CMIP: variants seen among roughly 807,000 people sequenced by gnomAD.
CMIP encodes c-Maf inducing protein, also known as C-Maf-inducing protein.
In CMIP, 13 loss-of-function variants were observed where a neutral mutation model predicts 97.3. The observed-to-expected ratio is 0.13, with a 90% CI of 0.09 to 0.21. The LOEUF (loss-of-function observed/expected upper bound fraction) is 0.21, where lower values mean the gene tolerates loss of function less well. CMIP is among the 10% of genes least tolerant of loss of function. The pLI is 1.00. For missense variants in CMIP, 847 were observed against 1,024.9 expected (o/e 0.83, Z 2.37); for synonymous variants, 538 against 436.3 (o/e 1.23, Z -2.91).
rs1192482885 is a variant in CMIP at position 81,627,455 on chromosome 16, T to G, written c.477+6529T>G. On this transcript the variant is annotated intron_variant, in intron 3 of 20. Coordinates refer to ENST00000537098, the MANE Select transcript of CMIP (RefSeq NM_198390.3). This position sits in a 1 kb window ranked among gnomAD's most constrained non-coding sequence, Gnocchi z 4.6. ...ATGCGCCATCATCAGTGTCTCCAAG[T>G]GGGTCCGACATGGTGGGAGCAGCTG... Among the ~76,000 whole-genome samples the G allele has an allele frequency of 6.7e-6, 1 of 149,488 alleles. No homozygotes were observed. The highest frequency in any genetic ancestry group is 2.4e-5 in the African/African-American group (1 of 41,032).
chr16:81,646,025 G>A (rs1265073335), intron 3 of CMIP, among the ~76,000 whole-genome samples: 1 of 152,042 alleles, frequency 6.6e-6, no homozygotes, highest in South Asian at 2.1e-4. Flanking sequence ...AGATCTTCAT[G>A]GGATGATTGG....
At chr16:81,670,030 TCAA>T in intron 7 of CMIP, 109 bp from the exon 8 acceptor site, 1 of 1,007,832 alleles carries the variant, frequency 9.9e-7, no homozygotes, top group Non-Finnish European at 1.5e-6. Context: ...GCCTTCCACA[TCAA>T]CAGCTCCAGG....
chr16:81,448,227 A>T (rs1234617670), intron 1 of CMIP, among the ~76,000 whole-genome samples: 1 of 152,260 alleles, frequency 6.6e-6, no homozygotes, highest in Non-Finnish European at 1.5e-5. Context: ...ACTCAGAATC[A>T]TCTGGTAATT....
chr16:81,492,433 T>C lies in CMIP; in HGVS notation c.300+46892T>C, dbSNP rs2089420262. ...CCCTCTGTCCGTGGCCACTCAGCCA[T>C]GAGCACTTCTGTTAGCGATGAAGAT... On this transcript the variant is annotated intron_variant, in intron 1 of 20. Transcript: ENST00000537098. Among the ~76,000 whole-genome samples, 4 of 152,210 alleles carry C rather than the reference T, an allele frequency of 2.6e-5. No individual in the cohort carries two copies. The South Asian group carries it at 6.2e-4, about 24-fold the overall frequency.
chr16:81,591,262 C>G lies in CMIP; in HGVS notation c.301-16305C>G, dbSNP rs568887658. ...GGGGAGATGTCTTTGAGCAGTTGAC[C>G]CAGTATCTGGCACACATGAGGTCTT... On this transcript the variant is annotated intron_variant, in intron 1 of 20. Transcript: ENST00000537098. Among the ~76,000 whole-genome samples, 3 of 152,208 alleles carry G rather than the reference C, an allele frequency of 2.0e-5. No homozygotes were observed. The South Asian group carries it at 6.2e-4, about 32-fold the overall frequency.
chr16:81,564,054 C>T (rs772476727), intron 1 of CMIP, among the ~76,000 whole-genome samples: 1 of 152,246 alleles, frequency 6.6e-6, no homozygotes, highest in Non-Finnish European at 1.5e-5. Context: ...TTCTACCTAG[C>T]AGTTTTAGGA....
intron 1 of CMIP, among the ~76,000 whole-genome samples, chr16:81,481,605 A>T (rs573330991): frequency 1.3e-5 from 2 of 152,288 alleles, no homozygotes; most frequent in East Asian, 3.9e-4. Context: ...GGGGATGGGT[A>T]CACTAGTTTC....
intron 2 of CMIP, chr16:81,619,561 G>A (rs375724133): frequency 1.8e-4 from 28 of 152,412 alleles, no homozygotes; most frequent in East Asian, 7.7e-4. Context: ...CCCCTGAACC[G>A]TCAGAGGCAG....
intron 1 of CMIP, among the ~76,000 whole-genome samples, chr16:81,537,645 C>T (rs568125806): frequency 2.6e-5 from 4 of 151,374 alleles, no homozygotes; most frequent in East Asian, 3.9e-4. Context: ...ATGGGAGGAT[C>T]GCTTAAGGCC....
At chr16:81,604,695 G>A (rs893986043) in intron 1 of CMIP, among the ~76,000 whole-genome samples, 1 of 152,062 alleles carries the variant, frequency 6.6e-6, no homozygotes, top group Non-Finnish European at 1.5e-5. Flanking sequence ...GCAAGACTCC[G>A]TCTCAAACAA....
At chr16:81,664,454 C>A in intron 7 of CMIP, 105 bp downstream of exon 7, 2 of 1,076,954 alleles carry the variant, frequency 1.9e-6, no homozygotes, top group South Asian at 1.6e-5. Flanking sequence ...ATGTGGTTGG[C>A]CCAGCGTGAC....
intron 2 of CMIP, chr16:81,620,061 TGCCA>T (rs1170511731): frequency 6.6e-6 from 1 of 152,234 alleles, no homozygotes; most frequent in African/African-American, 2.4e-5. Context: ...TCTGACCACC[TGCCA>T]TGTGCCAAGC....
chr16:81,706,590 G>T (rs568759443), intron 19 of CMIP, among the ~76,000 whole-genome samples: 1 of 152,222 alleles, frequency 6.6e-6, no homozygotes, highest in Non-Finnish European at 1.5e-5. Context: ...CCCCCCGTGC[G>T]ACTCCAACAC....
chr16:81,627,809 G>A lies in CMIP; in HGVS notation c.477+6883G>A, dbSNP rs1369772923. On this transcript the variant is annotated intron_variant, in intron 3 of 20. Coordinates refer to ENST00000537098, the MANE Select transcript of CMIP (RefSeq NM_198390.3). This position sits in a 1 kb window ranked among gnomAD's most constrained non-coding sequence, Gnocchi z 4.6. ...TCGCTTCCACCTCATGAGTGGCTGC[G>A]GCGCCTCGGGAATGAGTCTGTTCCA... Among the ~76,000 whole-genome samples, 1 of 152,174 alleles carries A rather than the reference G, an allele frequency of 6.6e-6. No individual in the cohort carries two copies. The highest frequency in any genetic ancestry group is 2.4e-5 in the African/African-American group (1 of 41,422).
At chr16:81,556,628 A>G (rs1483707958) in intron 1 of CMIP, among the ~76,000 whole-genome samples, 1 of 152,132 alleles carries the variant, frequency 6.6e-6, no homozygotes, top group Admixed American at 6.5e-5. Context: ...TTCGATGGGG[A>G]CAGAGTTTGA....
chr16:81,682,279 A>C (rs943098916), intron 10 of CMIP, among the ~76,000 whole-genome samples: 1 of 149,638 alleles, frequency 6.7e-6, no homozygotes, highest in Non-Finnish European at 1.5e-5. Flanking sequence ...AGAAAAAAAG[A>C]AGCAGCCAGG....
At chr16:81,549,554 C>T (rs991490177) in intron 1 of CMIP, among the ~76,000 whole-genome samples, 2 of 151,820 alleles carry the variant, frequency 1.3e-5, no homozygotes, top group East Asian at 1.9e-4. Flanking sequence ...GGGCGGGGGG[C>T]GGAGGATATT....
intron 1 of CMIP, among the ~76,000 whole-genome samples, chr16:81,543,099 G>T (rs2150842143): frequency 6.6e-6 from 1 of 152,358 alleles, no homozygotes; most frequent in South Asian, 2.1e-4. Context: ...CCCAGGCCTG[G>T]CTGGTGGCAC....
chr16:81,694,646 A>AC (rs1197513612), intron 13 of CMIP, among the ~76,000 whole-genome samples: 8 of 151,306 alleles, frequency 5.3e-5, no homozygotes, highest in South Asian at 2.1e-4. Context: ...CAAAAGGCAG[A>AC]CCCCCCTGCC....
Sources: gnomAD v4.1 joint callset for allele counts (sites outside exome capture counted in the v4.1 genomes callset) on GRCh38, gnomAD v4.1.1 for gene constraint, Gnocchi (gnomAD v3.1) non-coding constraint, MANE v1.5 for transcripts, NCBI Gene and HGNC (gene_info 2026-07-23, HGNC 2026-07-21) for gene names.